Variants in STK4 observed in about 807,000 individuals in gnomAD.
STK4 encodes serine/threonine kinase 4, also known as serine/threonine-protein kinase 4.
In STK4, 30 loss-of-function variants were observed where a neutral mutation model predicts 64.9. The ratio of observed to expected loss-of-function variants is 0.46; its 90% confidence interval spans 0.35 to 0.63. STK4 has a LOEUF of 0.63. Ranked by LOEUF, STK4 falls within the 20% of genes least tolerant of loss-of-function variation. The pLI, the probability that STK4 is intolerant of heterozygous loss-of-function variation, is 0.01. For missense variants in STK4, 466 were observed against 598.5 expected (o/e 0.78, Z 2.31); for synonymous variants, 177 against 199.0 (o/e 0.89, Z 0.93).
At position 44,997,248 on chromosome 20, in the gene STK4, T is replaced by C. The variant is rs761758117; in HGVS notation, c.773T>C (p.Val258Ala). 6.2e-7 allele frequency: 1 copy of C among 1,613,672 alleles called. No individual in the cohort carries two copies. Among genetic ancestry groups the C allele is most frequent in the African/African-American group, 1.3e-5 (1 of 74,894 alleles). ...TGGTCAGATAACTTTACAGATTTTG[T>C]GAAACAGTGTCTTGTAAAGAGCCCT... ...ELWSDNFTDF[V>A]KQCLVKSPEQ... Residue 258 changes from valine (V) to alanine (A), a missense_variant, in exon 7 of 11, where the codon GTG becomes GCG. Val to Ala is a moderately conservative substitution (Grantham distance 64, BLOSUM62 0). Around this residue, in one of 2 missense-constraint regions of STK4, gnomAD observed 276 missense variants for 308.9 expected, o/e 0.89. Transcript: ENST00000372806.
rs11471509 is a variant in STK4 at position 45,075,546 on chromosome 20, C to CATAT, written c.*380_*383dup. 12 of 155,694 alleles carry CATAT rather than the reference C, an allele frequency of 7.7e-5. No individual in the cohort carries two copies. Among genetic ancestry groups the CATAT allele is most frequent in the African/African-American group, 2.4e-4 (10 of 41,140 alleles). The allele number at this position is 155,694 out of a possible 1,614,324, so 9.6% of individuals were successfully genotyped here. On this transcript the variant is annotated 3_prime_UTR_variant, in exon 11 of 11. Transcript: ENST00000372806. ...AGACTTTTAAAAAAATATAAATATG[C>CATAT]ATATATATATATAAATTATAAATAG...
At chr20:45,038,036 C>T (rs1273349493) in intron 10 of STK4, among the ~76,000 whole-genome samples, 1 of 152,050 alleles carries the variant, frequency 6.6e-6, no homozygotes, top group Non-Finnish European at 1.5e-5. Flanking sequence ...TTCATAGAGA[C>T]AAAAATAACT....
intron 9 of STK4, among the ~76,000 whole-genome samples, chr20:45,006,312 G>A (rs1568714182): frequency 6.8e-6 from 1 of 148,042 alleles, no homozygotes; most frequent in Non-Finnish European, 1.5e-5. Flanking sequence ...ATGTTGTCCA[G>A]GCAGGTCTTG....
At chr20:45,026,899 C>T (rs1281581841) in intron 10 of STK4, among the ~76,000 whole-genome samples, 1 of 152,146 alleles carries the variant, frequency 6.6e-6, no homozygotes, top group Admixed American at 6.5e-5. Context: ...ACCAGGCTGC[C>T]ACTGCTAATC....
At chr20:45,071,791 C>T (rs1980090751) in intron 10 of STK4, among the ~76,000 whole-genome samples, 3 of 152,164 alleles carry the variant, frequency 2.0e-5, no homozygotes, top group Middle Eastern at 3.4e-3. Flanking sequence ...ATTTTTGAGA[C>T]AAGGTCTTGC....
chr20:45,069,025 C>T (rs915778087), intron 10 of STK4, among the ~76,000 whole-genome samples: 2 of 152,202 alleles, frequency 1.3e-5, no homozygotes, highest in African/African-American at 4.8e-5. Flanking sequence ...GTTGCTTTTA[C>T]TTATTCAGAC....
chr20:45,039,912 TAGTGTCTTA>T (rs1457724091), intron 10 of STK4, among the ~76,000 whole-genome samples: 1 of 152,024 alleles, frequency 6.6e-6, no homozygotes, highest in African/African-American at 2.4e-5. Context: ...AAAAGTCAAA[TAGTGTCTTA>T]AGATTAATAT....
chr20:45,023,627 CA>C (rs2068288343), intron 9 of STK4, among the ~76,000 whole-genome samples: 1 of 152,140 alleles, frequency 6.6e-6, no homozygotes, highest in Admixed American at 6.5e-5. Flanking sequence ...ACCTTTGAAA[CA>C]GGTACATTCA....
At chr20:45,021,039 C>T (rs146425162) in intron 9 of STK4, among the ~76,000 whole-genome samples, 2 of 151,986 alleles carry the variant, frequency 1.3e-5, no homozygotes, top group East Asian at 1.9e-4. Context: ...AGGCTGGTCT[C>T]GAACTCCTGG....
chr20:45,019,635 G>A (rs1006267195), intron 9 of STK4, among the ~76,000 whole-genome samples: 1 of 152,142 alleles, frequency 6.6e-6, no homozygotes, highest in Non-Finnish European at 1.5e-5. Flanking sequence ...ATGCATTTCC[G>A]GCATCAGATA....
chr20:45,019,333 A>G (rs900578207), intron 9 of STK4, among the ~76,000 whole-genome samples: 1 of 152,164 alleles, frequency 6.6e-6, no homozygotes, highest in Non-Finnish European at 1.5e-5. Context: ...TTCATTTTGC[A>G]TAATGTTTTT....
At chr20:45,045,776 GC>G (rs2145427427) in intron 10 of STK4, among the ~76,000 whole-genome samples, 1 of 148,386 alleles carries the variant, frequency 6.7e-6, no homozygotes, top group South Asian at 2.1e-4. Flanking sequence ...CAGTAATTTT[GC>G]TATTGTCAGA....
intron 9 of STK4, among the ~76,000 whole-genome samples, chr20:45,022,106 G>A (rs2068258469): frequency 6.6e-6 from 1 of 152,000 alleles, no homozygotes; most frequent in African/African-American, 2.4e-5. Flanking sequence ...TTGAGGAGAG[G>A]AATTTTTCCG....
At chr20:44,991,009 A>G (rs1474895838) in intron 5 of STK4, among the ~76,000 whole-genome samples, 3 of 152,186 alleles carry the variant, frequency 2.0e-5, no homozygotes, top group Non-Finnish European at 4.4e-5. Flanking sequence ...TCTGCTCTCC[A>G]GCTTTTAAAA....
At chr20:45,057,076 A>G (rs1043042970) in intron 10 of STK4, among the ~76,000 whole-genome samples, 15 of 152,200 alleles carry the variant, frequency 9.9e-5, no homozygotes, top group African/African-American at 3.6e-4. Context: ...AGAACACAAG[A>G]GCCATGTGGA....
Position 45,079,956 on chromosome 20 carries a change from C to G in STK4, c.*4780C>G, listed in dbSNP as rs1980780110. ...TAAACTGTCCTTTGGACCACAAACCCTTATTAACGAGAACCTCAATATATA... is the reference window on the plus strand; with the variant it reads ...TAAACTGTCCTTTGGACCACAAACCGTTATTAACGAGAACCTCAATATATA... On this transcript the variant is annotated 3_prime_UTR_variant, in exon 11 of 11. Coordinates refer to ENST00000372806, the MANE Select transcript of STK4 (RefSeq NM_006282.5). 6.6e-6 allele frequency: 1 copy of G among 152,160 alleles called. No individual in the cohort carries two copies. Among genetic ancestry groups the G allele is most frequent in the Admixed American group, 6.5e-5 (1 of 15,282 alleles). The allele number at this position is 152,160 out of a possible 1,614,324, so 9.4% of individuals were successfully genotyped here.
Position 45,024,849 on chromosome 20 carries a change from C to T in STK4, c.1148-124C>T, listed in dbSNP as rs965395008. ...AGTTTCACTAGATTCTTGAAGGAGTCCTTTATCTAACAGAAATATCCACTG... is the reference window on the plus strand; with the variant it reads ...AGTTTCACTAGATTCTTGAAGGAGTTCTTTATCTAACAGAAATATCCACTG... On this transcript the variant is annotated intron_variant, in intron 9 of 10. Coordinates refer to ENST00000372806, the MANE Select transcript of STK4 (RefSeq NM_006282.5). 4 of 1,002,234 alleles carry T rather than the reference C, an allele frequency of 4.0e-6. No homozygotes were observed. In the East Asian group the frequency reaches 1.3e-4, roughly 32 times the overall value. The allele number at this position is 1,002,234 out of a possible 1,614,324, so 62.1% of individuals were successfully genotyped here.
intron 10 of STK4, among the ~76,000 whole-genome samples, chr20:45,043,786 C>G (rs2069978373): frequency 6.6e-6 from 1 of 152,120 alleles, no homozygotes; most frequent in Non-Finnish European, 1.5e-5. Flanking sequence ...ACTTCTGGTC[C>G]CAAACATTTT....
chr20:44,990,086 G>T (rs541511298), intron 5 of STK4, among the ~76,000 whole-genome samples: 43 of 152,142 alleles, frequency 2.8e-4, no homozygotes, highest in Non-Finnish European at 4.3e-4. Context: ...AGAAAAGGCC[G>T]TTGGGATTTT....
Sources: gnomAD v4.1 joint callset for allele counts (sites outside exome capture counted in the v4.1 genomes callset) on GRCh38, gnomAD v4.1.1 for gene constraint, gnomAD v4.1.1 regional missense constraint, MANE v1.5 for transcripts, NCBI Gene and HGNC (gene_info 2026-07-23, HGNC 2026-07-21) for gene names.